ARHGAP23: variants seen among roughly 807,000 people sequenced by gnomAD.
ARHGAP23 encodes the protein Rho GTPase activating protein 23, also known as rho GTPase-activating protein 23.
In ARHGAP23, 34 loss-of-function variants were observed where a neutral mutation model predicts 136.3. The observed-to-expected ratio is 0.25, with a 90% CI of 0.19 to 0.33. ARHGAP23 has a LOEUF of 0.33. Among genes scored for constraint, ARHGAP23 ranks in the 10% least tolerant of loss-of-function variants. The pLI is 1.00. For missense variants in ARHGAP23, 1,808 were observed against 2,139.0 expected (o/e 0.85, Z 3.05); for synonymous variants, 832 against 920.5 (o/e 0.90, Z 1.74).
chr17:38,450,789 G>C (rs887667247), intron 1 of ARHGAP23: 17 of 152,254 alleles, frequency 1.1e-4, no homozygotes, highest in African/African-American at 4.1e-4. Flanking sequence ...GAGAACAAGT[G>C]AAAGTGCTTT....
At chr17:38,474,808 G>C (rs567186949) in intron 11 of ARHGAP23, among the ~76,000 whole-genome samples, 120 of 152,216 alleles carry the variant, frequency 7.9e-4, no homozygotes, top group Non-Finnish European at 1.6e-3. Flanking sequence ...CAAGTTGGCA[G>C]TGACCCATGG....
At chr17:38,499,673 C>T (rs1477659898) in intron 22 of ARHGAP23, among the ~76,000 whole-genome samples, 2 of 152,170 alleles carry the variant, frequency 1.3e-5, no homozygotes, top group South Asian at 2.1e-4. Flanking sequence ...CGCCGCCCCC[C>T]GCGCCCTGTG....
chr17:38,510,984 C>A lies in ARHGAP23; in HGVS notation c.*12C>A. 1 of 1,414,754 alleles carries A rather than the reference C, an allele frequency of 7.1e-7. No homozygotes were observed. The highest frequency in any genetic ancestry group is 1.5e-5 in the African/African-American group (1 of 66,032). The allele number at this position is 1,414,754 out of a possible 1,614,324, so 87.6% of individuals were successfully genotyped here. A position where few individuals can be genotyped will look rare whatever the true frequency, so the allele number is the denominator to read the frequency against. On this transcript the variant is annotated 3_prime_UTR_variant, in exon 24 of 24. Coordinates refer to ENST00000622683, the MANE Select transcript of ARHGAP23 (RefSeq NM_001199417.2). The surrounding 1 kb of genome is among the most constrained non-coding windows in gnomAD (Gnocchi z 4.6). ...ATCAGTGTCTGTGATCCCCACCTCC[C>A]GCGCCGCTCGGGCGCCACCCCTCCC...
chr17:38,458,236 C>T lies in ARHGAP23; in HGVS notation c.198C>T (p.Pro66=), dbSNP rs1354914139. Residue 66 remains proline (P), a synonymous_variant, in exon 2 of 24, where the codon CCC becomes CCT. Transcript: ENST00000622683. ...FTLRHFIVYP[P]ESAVHCSLKE... ...TGCGCCACTTCATCGTGTACCCACC[C>T]GAGTCGGCCGTGCACTGCAGCCTGA... 1.2e-5 allele frequency: 19 copies of T among 1,532,868 alleles called. No homozygotes were observed. Among genetic ancestry groups the T allele is most frequent in the Middle Eastern group, 1.7e-4 (1 of 5,996 alleles). 95.0% of individuals were successfully genotyped at this position (1,532,868 alleles called of 1,614,324 possible). A position where few individuals can be genotyped will look rare whatever the true frequency, so the allele number is the denominator to read the frequency against.
intron 1 of ARHGAP23, among the ~76,000 whole-genome samples, chr17:38,439,041 T>C (rs2038863924): frequency 6.6e-6 from 1 of 151,644 alleles, no homozygotes; most frequent in Admixed American, 6.6e-5. Context: ...CTGGGTGTAG[T>C]GGCGGGCACC....
chr17:38,480,362 G>A (rs1035356220), intron 14 of ARHGAP23, among the ~76,000 whole-genome samples: 1 of 152,186 alleles, frequency 6.6e-6, no homozygotes, highest in Non-Finnish European at 1.5e-5. Flanking sequence ...GGCCGGGCGC[G>A]ATGGCTCACG....
intron 1 of ARHGAP23, among the ~76,000 whole-genome samples, chr17:38,422,411 G>A (rs893851522): frequency 1.3e-5 from 2 of 152,152 alleles, no homozygotes; most frequent in East Asian, 1.9e-4. Flanking sequence ...TGAGCCTCGC[G>A]CACACTCACT....
Position 38,478,413 on chromosome 17 carries a change from G to A in ARHGAP23, c.2436+517G>A, listed in dbSNP as rs545080256. 1.6e-4 allele frequency among the ~76,000 whole-genome samples: 16 copies of A among 100,702 alleles called. No homozygotes were observed. The South Asian group carries it at 6.3e-3, about 40-fold the overall frequency. 66.1% of individuals were successfully genotyped at this position (100,702 alleles called of 152,430 possible). On this transcript the variant is annotated intron_variant, in intron 12 of 23. Transcript: ENST00000622683. ...CCAAGGGCCTCGGCAGGGATTTTGG[G>A]ATAATTTTTTTTTTTTTTTGAGGCA...
chr17:38,419,580 TCACACACACACACACACACACA>T (rs60358190), intron 1 of ARHGAP23, among the ~76,000 whole-genome samples: 2 of 143,164 alleles, frequency 1.4e-5, no homozygotes, highest in Non-Finnish European at 1.5e-5. Context: ...GACACAGAGC[TCACACACACACACACACACACA>T]CACACACACA....
rs769948717 is a variant in ARHGAP23, at chr17:38,469,325, C to T, written c.1804+26C>T. On this transcript the variant is annotated intron_variant, in intron 8 of 23. Transcript: ENST00000622683. Reference sequence around the variant, plus strand: ...GTGAGCACTCCCCACACCCCCAGCCCCACCCTCTCCCTCGCTGCCCAGTCC... The same window carrying T: ...GTGAGCACTCCCCACACCCCCAGCCTCACCCTCTCCCTCGCTGCCCAGTCC... The T allele has an allele frequency of 2.0e-5, 31 of 1,537,278 alleles. No individual in the cohort carries two copies. In the Admixed American group the frequency reaches 4.6e-4, roughly 23 times the overall value.
chr17:38,427,515 AG>A (rs1303929668), upstream of ARHGAP23, among the ~76,000 whole-genome samples: 1 of 151,424 alleles, frequency 6.6e-6, no homozygotes, highest in African/African-American at 2.4e-5. Flanking sequence ...CTGGACTGTC[AG>A]GGGATGGGCT....
At chr17:38,459,435 G>A (rs2039407544) in intron 2 of ARHGAP23, among the ~76,000 whole-genome samples, 1 of 152,234 alleles carries the variant, frequency 6.6e-6, no homozygotes, top group Non-Finnish European at 1.5e-5. Context: ...GGCTACAGCT[G>A]TGCTGAAGAA....
In ARHGAP23 at chr17:38,490,118, C is replaced by T; in HGVS notation, c.3003C>T (p.Phe1001=). ...GTGTTCTAGACAAATACAACGACTT[C>T]ATCGAGGCCAACCGCATTGAGGACG... ...PLFTDDKYND[F]IEANRIEDAR... Residue 1001 remains phenylalanine, a synonymous_variant, in exon 18 of 24, where the codon TTC becomes TTT. Transcript: ENST00000622683. 6.4e-7 allele frequency: 1 copy of T among 1,551,768 alleles called. No individual in the cohort carries two copies. The highest frequency in any genetic ancestry group is 1.2e-5 in the South Asian group (1 of 84,062).
intron 6 of ARHGAP23, 140 bp from the exon 7 acceptor site, chr17:38,466,027 A>C: frequency 9.6e-6 from 5 of 520,702 alleles, no homozygotes; most frequent in East Asian, 3.4e-5. Context: ...CCACCCACTT[A>C]TGCCTCTCCC....
intron 23 of ARHGAP23, 21 bp from the exon 24 acceptor site, chr17:38,509,923 C>A (rs2040716999): frequency 8.0e-7 from 1 of 1,246,556 alleles, no homozygotes; most frequent in African/African-American, 1.5e-5. Context: ...CCCCCCGCAT[C>A]CTGACCTGTC....
intron 1 of ARHGAP23, among the ~76,000 whole-genome samples, chr17:38,419,577 A>C: frequency 8.0e-6 from 1 of 125,020 alleles, no homozygotes; most frequent in Admixed American, 8.9e-5. Flanking sequence ...TGTGACACAG[A>C]GCTCACACAC....
chr17:38,495,071 A>G (rs2040361989), intron 20 of ARHGAP23, among the ~76,000 whole-genome samples: 1 of 152,150 alleles, frequency 6.6e-6, no homozygotes, highest in Non-Finnish European at 1.5e-5. Context: ...GACGTTTTCC[A>G]TACAGTATTT....
Position 38,466,179 on chromosome 17 carries a change from G to A in ARHGAP23, c.496G>A (p.Asp166Asn). 1 of 1,504,800 alleles carries A rather than the reference G, an allele frequency of 6.6e-7. No homozygotes were observed. The highest frequency in any genetic ancestry group is 1.4e-5 in the African/African-American group (1 of 71,508). 93.2% of individuals were successfully genotyped at this position (1,504,800 alleles called of 1,614,324 possible). ...EDILQLAYSQ[D>N]AYLKGNEPYS... ...TGTCTCTGGCCAGGCCTACTCCCAGGATGCCTACCTGAAAGGGAACGAGCC... is the reference window on the plus strand; with the variant it reads ...TGTCTCTGGCCAGGCCTACTCCCAGAATGCCTACCTGAAAGGGAACGAGCC... The change falls in exon 7 of 24, where the codon GAT (aspartate) becomes AAT (asparagine). Residue 166 changes from aspartate to asparagine, a missense_variant. Asp to Asn is a conservative substitution (Grantham distance 23). Transcript: ENST00000622683.
intron 1 of ARHGAP23, among the ~76,000 whole-genome samples, chr17:38,457,071 G>A (rs746447499): frequency 3.3e-5 from 5 of 152,180 alleles, no homozygotes; most frequent in Admixed American, 1.3e-4. Context: ...CACCATGCCC[G>A]GCTAATTTTT....
Sources: gnomAD v4.1 joint callset for allele counts (sites outside exome capture counted in the v4.1 genomes callset) on GRCh38, gnomAD v4.1.1 for gene constraint, Gnocchi (gnomAD v3.1) non-coding constraint, MANE v1.5 for transcripts, NCBI Gene and HGNC (gene_info 2026-07-23, HGNC 2026-07-21) for gene names.